PPP1R21: variants seen among roughly 807,000 people sequenced by gnomAD.
The protein encoded by PPP1R21 is KLRAQ motif containing 1.
PPP1R21 carries 85 observed loss-of-function variants against 112.8 expected under a neutral mutation model. The observed-to-expected ratio is 0.75, with a 90% confidence interval of 0.63 to 0.90. The LOEUF (loss-of-function observed/expected upper bound fraction) is 0.90, where lower values mean the gene tolerates loss of function less well. PPP1R21 is among the 40% of genes least tolerant of loss of function. The pLI is 0.00. For missense variants in PPP1R21, 1,199 were observed against 901.5 expected (o/e 1.33, Z -4.23); for synonymous variants, 381 against 322.3 (o/e 1.18, Z -1.95).
intron 1 of PPP1R21, among the ~76,000 whole-genome samples, chr2:48,443,016 G>T (rs1385242348): frequency 2.0e-5 from 3 of 152,148 alleles, no homozygotes; most frequent in Non-Finnish European, 4.4e-5. Flanking sequence ...AATAGTTTTG[G>T]GGAGAGTAAT....
chr2:48,474,377 G>A (rs933613311), intron 11 of PPP1R21, among the ~76,000 whole-genome samples: 19 of 152,136 alleles, frequency 1.2e-4, no homozygotes, highest in Admixed American at 2.6e-4. Flanking sequence ...GAGAGACTCC[G>A]TCTCAAACAA....
rs778815660 is a variant in PPP1R21, at chr2:48,454,569, A to G, written c.127-26A>G. The stretch of plus-strand genomic sequence containing the variant: ...TAAACCTTACAGCTAAACTGTGAGG[A>G]CCAATCTGTTTTCACTTTGATATAG... On this transcript the variant is annotated intron_variant, in intron 2 of 21. Coordinates refer to ENST00000294952, the MANE Select transcript of PPP1R21 (RefSeq NM_001135629.3). 14 of 1,613,662 alleles carry G rather than the reference A, an allele frequency of 8.7e-6. No individual in the cohort carries two copies. The South Asian group carries it at 8.8e-5, about 10-fold the overall frequency.
chr2:48,441,175 C>A, intron 1 of PPP1R21, 165 bp downstream of exon 1: 1 of 633,132 alleles, frequency 1.6e-6, no homozygotes, highest in Non-Finnish European at 2.8e-6. Context: ...CCACCTGCAG[C>A]TCCCAGGAGA....
At chr2:48,481,439 A>G (rs187549415) in intron 13 of PPP1R21, among the ~76,000 whole-genome samples, 5 of 152,358 alleles carry the variant, frequency 3.3e-5, no homozygotes, top group African/African-American at 1.2e-4. Context: ...AATCCAAGAG[A>G]TGGTGCTTTT....
chr2:48,482,645 GTT>G (rs200292830), intron 13 of PPP1R21, among the ~76,000 whole-genome samples: 9 of 126,544 alleles, frequency 7.1e-5, no homozygotes, highest in Non-Finnish European at 8.4e-5. Flanking sequence ...TAAAGACACT[GTT>G]TTTTTTTTTT....
intron 16 of PPP1R21, among the ~76,000 whole-genome samples, chr2:48,496,327 T>G (rs1669832734): frequency 6.6e-6 from 1 of 152,210 alleles, no homozygotes. Flanking sequence ...TCTTTTAACT[T>G]GCCTAGGGCA....
At chr2:48,447,353 A>G (rs1667293245) in intron 1 of PPP1R21, among the ~76,000 whole-genome samples, 1 of 152,188 alleles carries the variant, frequency 6.6e-6, no homozygotes, top group South Asian at 2.1e-4. Flanking sequence ...AAACAAGGAT[A>G]AATGAGATTT....
chr2:48,484,212 C>T (rs112034777), intron 13 of PPP1R21, among the ~76,000 whole-genome samples: 2 of 152,248 alleles, frequency 1.3e-5, no homozygotes, highest in African/African-American at 4.8e-5. Context: ...TCTGTAAGTT[C>T]CTCCTAATAA....
At chr2:48,505,520 A>G (rs1035029099) in intron 17 of PPP1R21, 44 bp from the exon 18 acceptor site, 8 of 1,431,228 alleles carry the variant, frequency 5.6e-6, no homozygotes, top group Non-Finnish European at 7.7e-6. Context: ...TGTGCTTGAA[A>G]TGTACACATT....
Position 48,440,893 on chromosome 2 carries a change from T to TG in PPP1R21, c.-56dup. 1.1e-6 allele frequency: 1 copy of TG among 934,096 alleles called. No homozygotes were observed. The highest frequency in any genetic ancestry group is 1.5e-6 in the Non-Finnish European group (1 of 680,344). The allele number at this position is 934,096 out of a possible 1,614,324, so 57.9% of individuals were successfully genotyped here. On this transcript the variant is annotated 5_prime_UTR_variant, in exon 1 of 22. Coordinates refer to ENST00000294952, the MANE Select transcript of PPP1R21 (RefSeq NM_001135629.3). The stretch of plus-strand genomic sequence containing the variant: ...CCGTTCCCGGGAGCGTGTCTGGGTT[T>TG]GGGGGCGGGAGACAGGCTGAGCCGC...
Position 48,479,920 on chromosome 2 carries a change from C to A in PPP1R21, c.1226-4C>A. On this transcript the variant is annotated splice_region_variant and splice_polypyrimidine_tract_variant and intron_variant, in intron 12 of 21. Transcript: ENST00000294952. Reference sequence around the variant, plus strand: ...TGCTTAGATTTGTGATTTTGATTTCCTAGGTACAGAGCCAGATGGACTCCT... The same window carrying A: ...TGCTTAGATTTGTGATTTTGATTTCATAGGTACAGAGCCAGATGGACTCCT... 6.3e-7 allele frequency: 1 copy of A among 1,586,674 alleles called. No homozygotes were observed. The highest frequency in any genetic ancestry group is 8.7e-7 in the Non-Finnish European group (1 of 1,155,100).
intron 3 of PPP1R21, among the ~76,000 whole-genome samples, chr2:48,455,788 GCAGATCACGAGGTCAGGAGATTGAGAC>G (rs1056520835): frequency 6.6e-6 from 1 of 151,998 alleles, no homozygotes; most frequent in Non-Finnish European, 1.5e-5. Context: ...GCTGAGGCGG[GCAGATCACGAGGTCAGGAGATTGAGAC>G]CATCCTGGCT....
chr2:48,491,849 T>C (rs1054241115), intron 15 of PPP1R21, among the ~76,000 whole-genome samples: 2 of 152,072 alleles, frequency 1.3e-5, no homozygotes, highest in African/African-American at 4.8e-5. Flanking sequence ...TAAAAAAGAA[T>C]GAAAGAAATA....
rs571826250 is a variant in PPP1R21 at position 48,479,346 on chromosome 2, T to A, written c.1226-578T>A. 9.5e-4 allele frequency: 360 copies of A among 380,836 alleles called. 3 individuals are homozygous for A. Among genetic ancestry groups the A allele is most frequent in the South Asian group, 7.1e-3 (352 of 49,724 alleles). 23.6% of individuals were successfully genotyped at this position (380,836 alleles called of 1,614,324 possible). On this transcript the variant is annotated intron_variant, in intron 12 of 21. Coordinates refer to ENST00000294952, the MANE Select transcript of PPP1R21 (RefSeq NM_001135629.3). ...CTGAGCTGTGGGAGGGAGGTAGTGATTCTTGGTTTAAATACCGTAGCCTCT... is the reference window on the plus strand; with the variant it reads ...CTGAGCTGTGGGAGGGAGGTAGTGAATCTTGGTTTAAATACCGTAGCCTCT...
At chr2:48,485,029 A>AG (rs57610388) in intron 13 of PPP1R21, among the ~76,000 whole-genome samples, 145,157 of 152,294 alleles carry the variant, frequency 0.95, 69,451 homozygotes, top group Non-Finnish European at 0.99. Flanking sequence ...GGGATGAGCA[A>AG]TTCAGTATAC....
At chr2:48,449,991 C>G (rs1667405355) in intron 1 of PPP1R21, among the ~76,000 whole-genome samples, 1 of 152,024 alleles carries the variant, frequency 6.6e-6, no homozygotes, top group African/African-American at 2.4e-5. Flanking sequence ...TAAAACCCTG[C>G]CAGTGGTGGT....
chr2:48,473,003 TA>T (rs1180323822), intron 11 of PPP1R21, among the ~76,000 whole-genome samples: 268 of 134,560 alleles, frequency 2.0e-3, no homozygotes, highest in Non-Finnish European at 2.4e-3. Flanking sequence ...CCCTGTCTCT[TA>T]AAAAAAAAAA....
In PPP1R21 at chr2:48,459,777, C is replaced by T; in HGVS notation, c.399C>T (p.His133=). The T allele has an allele frequency of 6.8e-6, 11 of 1,613,784 alleles. No homozygotes were observed. The highest frequency in any genetic ancestry group is 1.3e-5 in the African/African-American group (1 of 74,998). ...HIQFFEADEQ[H]KHVEAELRSR... is the part of the protein sequence containing the mutation. ...AGTTTTTTGAAGCTGATGAGCAGCACAAGCATGTGGAAGCAGAGCTGAGGA... is the reference window on the plus strand; with the variant it reads ...AGTTTTTTGAAGCTGATGAGCAGCATAAGCATGTGGAAGCAGAGCTGAGGA... Residue 133 remains histidine (H), a synonymous_variant, in exon 5 of 22, where the codon CAC becomes CAT. Transcript: ENST00000294952.
At chr2:48,454,516 A>C in intron 2 of PPP1R21, 79 bp from the exon 3 acceptor site, 1 of 1,525,214 alleles carries the variant, frequency 6.6e-7, no homozygotes, top group Non-Finnish European at 8.9e-7. Context: ...TATTTTGGTG[A>C]AATAGAAATA....
Sources: allele counts gnomAD v4.1 joint callset (sites outside exome capture counted in the v4.1 genomes callset), GRCh38; gene constraint gnomAD v4.1.1; transcripts MANE v1.5; gene names NCBI Gene and HGNC (gene_info 2026-07-23, HGNC 2026-07-21).